Variants in TANC1 observed in about 807,000 individuals in gnomAD.
The protein encoded by TANC1 is tetratricopeptide repeat, ankyrin repeat and coiled-coil containing 1.
Under a neutral mutation model 149.7 loss-of-function variants are expected in TANC1, and 77 were observed. The ratio of observed to expected loss-of-function variants is 0.51; its 90% CI spans 0.43 to 0.62. The LOEUF (loss-of-function observed/expected upper bound fraction) is 0.62. TANC1 is among the 20% of genes least tolerant of loss of function. TANC1 has a pLI of 0.00. For synonymous variants in TANC1, 854 were observed against 925.0 expected (o/e 0.92, Z 1.39); for missense variants, 1,985 against 2,321.8 (o/e 0.85, Z 2.98).
intron 2 of TANC1, among the ~76,000 whole-genome samples, chr2:159,047,049 G>A (rs1423979576): frequency 1.3e-5 from 2 of 152,000 alleles, no homozygotes; most frequent in Non-Finnish European, 2.9e-5. Flanking sequence ...CAATAATTCT[G>A]TGGCTTCAGC....
chr2:159,203,578 T>C (rs1360809373), intron 19 of TANC1, among the ~76,000 whole-genome samples: 2 of 152,040 alleles, frequency 1.3e-5, no homozygotes, highest in Non-Finnish European at 2.9e-5. Context: ...TTTGGGTTTG[T>C]TTTTTGAGAC....
chr2:158,986,249 A>C (rs60394002), intron 1 of TANC1, among the ~76,000 whole-genome samples: 1 of 151,950 alleles, frequency 6.6e-6, no homozygotes, highest in Non-Finnish European at 1.5e-5. Flanking sequence ...ATGAAAAGGA[A>C]TACTTAGCAG....
At chr2:159,009,843 A>G (rs1323660052) in intron 2 of TANC1, among the ~76,000 whole-genome samples, 1 of 152,138 alleles carries the variant, frequency 6.6e-6, no homozygotes, top group Non-Finnish European at 1.5e-5. Context: ...ACATGTATCA[A>G]CATATCCCAC....
intron 7 of TANC1, among the ~76,000 whole-genome samples, chr2:159,153,475 G>A (rs982603720): frequency 2.6e-5 from 4 of 152,234 alleles, no homozygotes; most frequent in Admixed American, 2.6e-4. Flanking sequence ...TTTTCCTGCA[G>A]GTTGCAAGGG....
rs192252039 is a variant in TANC1 at position 159,225,579 on chromosome 2, T to C, written c.3812-109T>C. On this transcript the variant is annotated intron_variant, in intron 23 of 26. Coordinates refer to ENST00000263635, the MANE Select transcript of TANC1 (RefSeq NM_033394.3). Reference sequence around the variant, plus strand: ...CCCTCCCTCATCGTGCTGTGGTCCTTGCAGCTGGGCTCCTGCTGGTGCTGA... The same window carrying C: ...CCCTCCCTCATCGTGCTGTGGTCCTCGCAGCTGGGCTCCTGCTGGTGCTGA... 2.6e-4 allele frequency: 213 copies of C among 809,478 alleles called. 2 individuals are homozygous for C. The East Asian group carries it at 5.1e-3, about 19-fold the overall frequency. The allele number at this position is 809,478 out of a possible 1,614,324, so 50.1% of individuals were successfully genotyped here.
In TANC1 at chr2:159,050,950, CA is replaced by C. The variant is rs1296711540; in HGVS notation, c.-15-14945del. Among the ~76,000 whole-genome samples, 4 of 152,180 alleles carry C rather than the reference CA, an allele frequency of 2.6e-5. No homozygotes were observed. In the East Asian group the frequency reaches 5.8e-4, roughly 22 times the overall value. On this transcript the variant is annotated intron_variant, in intron 2 of 26. Transcript: ENST00000263635. ...AGAGTTGGCTTGAGAAGTTTTACTG[CA>C]TAAAAACAAGAATCAGATATTTTAA...
At position 159,046,589 on chromosome 2, in the gene TANC1, C is replaced by CTTTTTTTTTTT. The variant is rs57208685; in HGVS notation, c.-15-19289_-15-19279dup. ...ATGCACCATTCTTTTCTTTTCTTTA[C>CTTTTTTTTTTT]TTTTTTTTTTTTTTTTTTTTTTTTT... On this transcript the variant is annotated intron_variant, in intron 2 of 26. Coordinates refer to ENST00000263635, the MANE Select transcript of TANC1 (RefSeq NM_033394.3). 9.5e-5 allele frequency among the ~76,000 whole-genome samples: 8 copies of CTTTTTTTTTTT among 84,398 alleles called. 1 individual carries two copies. Among genetic ancestry groups the CTTTTTTTTTTT allele is most frequent in the East Asian group, 1.2e-3 (2 of 1,640 alleles). 55.4% of individuals were successfully genotyped at this position (84,398 alleles called of 152,430 possible). A position where few individuals can be genotyped will look rare whatever the true frequency, so the allele number is the denominator to read the frequency against.
chr2:159,190,141 G>C (rs916918310), intron 16 of TANC1, among the ~76,000 whole-genome samples: 3 of 152,186 alleles, frequency 2.0e-5, no homozygotes, highest in African/African-American at 4.8e-5. Context: ...GCATGCTGCT[G>C]TTTTCTTAGG....
At chr2:159,150,263 C>A in intron 6 of TANC1, 107 bp from the exon 7 acceptor site, 2 of 858,522 alleles carry the variant, frequency 2.3e-6, no homozygotes, top group Non-Finnish European at 3.5e-6. Flanking sequence ...TTTTTTAAAA[C>A]TTCCGTTTTC....
chr2:158,979,054 T>C (rs2034006787), intron 1 of TANC1, among the ~76,000 whole-genome samples: 2 of 152,218 alleles, frequency 1.3e-5, no homozygotes, highest in Admixed American at 1.3e-4. Context: ...TGGAATATGA[T>C]ATAATTTTTT....
At chr2:159,168,867 G>T (rs2054884334) in intron 8 of TANC1, among the ~76,000 whole-genome samples, 1 of 152,062 alleles carries the variant, frequency 6.6e-6, no homozygotes, top group South Asian at 2.1e-4. Context: ...ACAGCAGAAA[G>T]CTCCCCAGAG....
At position 159,163,525 on chromosome 2, in the gene TANC1, C is replaced by T. The variant is rs1241327919; in HGVS notation, c.925C>T (p.Pro309Ser). ...TCAGGGCTCCAGCTCACTAATAATG[C>T]CACGGCCCAACTCAGTTGCAGGTAA... ...YSQGSSSLIMPRPNSVAATSS... is the reference protein window; with the variant it reads ...YSQGSSSLIMSRPNSVAATSS... Residue 309 changes from proline (P) to serine (S), a missense_variant, in exon 8 of 27, where the codon CCA becomes TCA. Transcript: ENST00000263635. The T allele has an allele frequency of 6.2e-7, 1 of 1,612,578 alleles. No homozygotes were observed. Among genetic ancestry groups the T allele is most frequent in the South Asian group, 1.1e-5 (1 of 90,996 alleles).
intron 19 of TANC1, among the ~76,000 whole-genome samples, chr2:159,211,136 G>T (rs554900067): frequency 6.6e-6 from 1 of 152,188 alleles, no homozygotes; most frequent in Non-Finnish European, 1.5e-5. Flanking sequence ...CTCCCAAAGT[G>T]CTGGGATTAC....
At chr2:159,226,641 T>C (rs986033321) in intron 24 of TANC1, 1 of 152,230 alleles carries the variant, frequency 6.6e-6, no homozygotes, top group Non-Finnish European at 1.5e-5. Flanking sequence ...CCCTTGGAAA[T>C]GGAAATATGA....
chr2:159,170,937 G>C, intron 10 of TANC1, 132 bp downstream of exon 10: 1 of 994,100 alleles, frequency 1.0e-6, no homozygotes, highest in South Asian at 1.6e-5. Flanking sequence ...GCCATCATGT[G>C]TGAAGTGAAC....
chr2:159,188,000 A>AG (rs2057140374), intron 16 of TANC1, among the ~76,000 whole-genome samples: 1 of 152,180 alleles, frequency 6.6e-6, no homozygotes, highest in African/African-American at 2.4e-5. Flanking sequence ...GGCCCTCCTG[A>AG]GATTATAAAC....
At chr2:159,007,706 G>C (rs1574082613) in intron 2 of TANC1, among the ~76,000 whole-genome samples, 1 of 152,338 alleles carries the variant, frequency 6.6e-6, no homozygotes, top group East Asian at 1.9e-4. Flanking sequence ...ATGCGTAACT[G>C]TATTCCTGAA....
rs776763091 is a variant in TANC1, at chr2:159,219,824, G to A, written c.3635G>A (p.Arg1212His). The change falls in exon 22 of 27, where the codon CGC (arginine) becomes CAC (histidine). Residue 1212 changes from arginine (R) to histidine (H), a missense_variant. Arg to His is a conservative substitution (Grantham distance 29). Around this residue, in one of 3 missense-constraint regions of TANC1, gnomAD observed 920 missense variants for 994.7 expected, o/e 0.92. Coordinates refer to ENST00000263635, the MANE Select transcript of TANC1 (RefSeq NM_033394.3). ...ATAGACCAGACAGACAAGAATGGCC[G>A]CACACCCTTGGACCTGGCTGCCTTC... ...AAIDQTDKNG[R>H]TPLDLAAFYG... 1.4e-5 allele frequency: 22 copies of A among 1,613,576 alleles called. No individual in the cohort carries two copies. Among genetic ancestry groups the A allele is most frequent in the South Asian group, 3.3e-5 (3 of 91,052 alleles).
chr2:158,972,438 G>A (rs906348807), intron 1 of TANC1, among the ~76,000 whole-genome samples: 4 of 152,088 alleles, frequency 2.6e-5, no homozygotes, highest in Admixed American at 2.0e-4. Context: ...ATGCTGTTGG[G>A]TTGATGGTAA....
Sources: gnomAD v4.1 joint callset for allele counts (sites outside exome capture counted in the v4.1 genomes callset) on GRCh38, gnomAD v4.1.1 for gene constraint, gnomAD v4.1.1 regional missense constraint, MANE v1.5 for transcripts, NCBI Gene and HGNC (gene_info 2026-07-23, HGNC 2026-07-21) for gene names.